Variants in TRIM39 observed in about 807,000 individuals in gnomAD.
TRIM39 encodes the protein tripartite motif containing 39.
In TRIM39, 5 loss-of-function variants were observed where a neutral mutation model predicts 53.6. The ratio of observed to expected loss-of-function variants is 0.09; its 90% confidence interval spans 0.05 to 0.20. The LOEUF (loss-of-function observed/expected upper bound fraction) is 0.20. Among genes scored for constraint, TRIM39 ranks in the 10% least tolerant of loss-of-function variants. The pLI is 1.00. For missense variants in TRIM39, 310 were observed against 621.0 expected (o/e 0.50, Z 5.32); for synonymous variants, 196 against 237.6 (o/e 0.82, Z 1.61).
At chr6:30,341,684 A>G in intron 7 of TRIM39, 28 bp from the exon 8 acceptor site, 5 of 1,593,424 alleles carry the variant, frequency 3.1e-6, no homozygotes, top group Non-Finnish European at 4.3e-6. Flanking sequence ...ATCCTCATCT[A>G]GCTCCCCACT....
intron 3 of TRIM39, 55 bp downstream of exon 3, chr6:30,329,825 G>T: frequency 6.4e-7 from 1 of 1,574,240 alleles, no homozygotes; most frequent in South Asian, 1.2e-5. Flanking sequence ...AGCGGCAGAG[G>T]ATGAGATACT....
intron 6 of TRIM39, chr6:30,340,187 T>C (rs990959805): frequency 9.7e-6 from 12 of 1,235,928 alleles, no homozygotes; most frequent in Non-Finnish European, 1.2e-5. Flanking sequence ...CTTGTGCCAG[T>C]GGGTGGAATT....
At chr6:30,343,068 A>C (rs140362243) in exon 8 of TRIM39, 1 of 152,684 alleles carries the variant, frequency 6.5e-6, no homozygotes, top group African/African-American at 2.4e-5. Flanking sequence ...GAGATCCTGC[A>C]AGACACATCT....
Position 30,335,979 on chromosome 6 carries a change from C to G in TRIM39, c.780+4C>G. 3 of 1,612,900 alleles carry G rather than the reference C, an allele frequency of 1.9e-6. No homozygotes were observed. The highest frequency in any genetic ancestry group is 2.5e-6 in the Non-Finnish European group (3 of 1,180,010). On this transcript the variant is annotated splice_donor_region_variant and intron_variant, in intron 5 of 7. Coordinates refer to ENST00000396551, the Ensembl canonical transcript of TRIM39. The surrounding 1 kb of genome is among the most constrained non-coding windows in gnomAD (Gnocchi z 4.7). ...GTCAGGCTTCGAGATGCTTAAGGTT[C>G]GACCTTTGCCCCTGCATAGCCCCTC...
chr6:30,338,918 T>C lies in TRIM39; in HGVS notation c.781-990T>C, dbSNP rs1266933484. ...GGTGTTAGCAAAACTAGGGAACATATTTTTTATCTTAGAGATTAGATTACC... is the reference window on the plus strand; with the variant it reads ...GGTGTTAGCAAAACTAGGGAACATACTTTTTATCTTAGAGATTAGATTACC... On this transcript the variant is annotated intron_variant, in intron 5 of 7. Transcript: ENST00000396551. This position sits in a 1 kb window ranked among gnomAD's most constrained non-coding sequence, Gnocchi z 4.0. Among the ~76,000 whole-genome samples, 1 of 152,184 alleles carries C rather than the reference T, an allele frequency of 6.6e-6. No homozygotes were observed. Among genetic ancestry groups the C allele is most frequent in the Non-Finnish European group, 1.5e-5 (1 of 68,030 alleles).
chr6:30,341,687 T>C (rs770513466), intron 7 of TRIM39, 25 bp from the exon 8 acceptor site: 14 of 1,596,330 alleles, frequency 8.8e-6, no homozygotes, highest in Non-Finnish European at 1.2e-5. Flanking sequence ...CTCATCTAGC[T>C]CCCCACTCTG....
At chr6:30,340,667 A>C (rs867800553) in intron 7 of TRIM39, 47 bp downstream of exon 7, 1 of 1,582,422 alleles carries the variant, frequency 6.3e-7, no homozygotes. Context: ...TAGAGAGAAG[A>C]AAGTTTTTAG....
chr6:30,340,252 T>C, intron 6 of TRIM39: 2 of 1,603,768 alleles, frequency 1.2e-6, no homozygotes, highest in Non-Finnish European at 1.7e-6. Context: ...AGGGCAATCA[T>C]CCATTTGCAT....
At chr6:30,343,155 A>G (rs115017778) in exon 8 of TRIM39, 1 of 152,680 alleles carries the variant, frequency 6.5e-6, no homozygotes, top group Non-Finnish European at 1.5e-5. Flanking sequence ...ATTTGTATAC[A>G]AAGCCCTGGC....
rs1786721428 is a variant in TRIM39, at chr6:30,335,319, C to G, written c.550-426C>G. Among the ~76,000 whole-genome samples, 1 of 151,946 alleles carries G rather than the reference C, an allele frequency of 6.6e-6. No individual in the cohort carries two copies. On this transcript the variant is annotated intron_variant, in intron 4 of 7. Coordinates refer to ENST00000396551, the Ensembl canonical transcript of TRIM39. The surrounding 1 kb of genome is among the most constrained non-coding windows in gnomAD (Gnocchi z 4.7). ...TTTCTTTCTGTCTTTGTCTTTCTGT[C>G]TTTCTTTCCTGTCTGTCTGTCTTTC...
chr6:30,331,986 G>A (rs1786239033), intron 4 of TRIM39, among the ~76,000 whole-genome samples: 1 of 152,096 alleles, frequency 6.6e-6, no homozygotes. Flanking sequence ...GGCCAAATTG[G>A]GATAAGTGAG....
Position 30,335,802 on chromosome 6 carries a change from C to T in TRIM39, c.607C>T (p.Arg203Trp), listed in dbSNP as rs754429118. The change falls in exon 5 of 8, where the codon CGG becomes TGG. Residue 203 changes from arginine (R) to tryptophan (W), a missense_variant. Arg to Trp is a moderately radical substitution (Grantham distance 101). Around this residue, in one of 5 missense-constraint regions of TRIM39, gnomAD observed 161 missense variants for 210.0 expected, o/e 0.77. Transcript: ENST00000396551. The surrounding 1 kb of genome is among the most constrained non-coding windows in gnomAD (Gnocchi z 4.7). ...GAGGGAGTTTGAAGAGCTTCATAGG[C>T]GGCTGGATGAAGAGCAGCAGGTGTT... is the stretch of plus-strand genomic sequence containing the variant. The T allele has an allele frequency of 5.0e-6, 8 of 1,612,848 alleles. No homozygotes were observed. The highest frequency in any genetic ancestry group is 1.7e-5 in the Admixed American group (1 of 59,996).
At chr6:30,329,418 A>G in exon 3 of TRIM39, 1 of 1,613,040 alleles carries the variant, frequency 6.2e-7, no homozygotes, top group Non-Finnish European at 8.5e-7. Context: ...GTGTGCCTGG[A>G]GTATCTGAAG....
chr6:30,330,242 A>AT (rs1785966640), intron 3 of TRIM39, among the ~76,000 whole-genome samples: 1 of 152,230 alleles, frequency 6.6e-6, no homozygotes, highest in African/African-American at 2.4e-5. Context: ...GTAACATGGC[A>AT]TATCATTTAA....
chr6:30,338,528 T>C lies in TRIM39; in HGVS notation c.781-1380T>C, dbSNP rs976746130. On this transcript the variant is annotated intron_variant, in intron 5 of 7. Coordinates refer to ENST00000396551, the Ensembl canonical transcript of TRIM39. This position sits in a 1 kb window ranked among gnomAD's most constrained non-coding sequence, Gnocchi z 4.0. ...TTTATCGATTAAGTTGTTCGTCTTA[T>C]ATGGATGCAGTTCACAGTGCCCCCA... Among the ~76,000 whole-genome samples the C allele has an allele frequency of 2.0e-5, 3 of 151,280 alleles. No homozygotes were observed. The highest frequency in any genetic ancestry group is 2.1e-4 in the South Asian group (1 of 4,764).
chr6:30,333,120 A>C (rs1786398232), intron 4 of TRIM39, among the ~76,000 whole-genome samples: 1 of 152,196 alleles, frequency 6.6e-6, no homozygotes, highest in Admixed American at 6.5e-5. Flanking sequence ...ACAAATTCAG[A>C]CTGAGATGGA....
chr6:30,340,444 A>G (rs1176511294), intron 6 of TRIM39, 61 bp from the exon 7 acceptor site: 2 of 1,610,548 alleles, frequency 1.2e-6, no homozygotes, highest in Non-Finnish European at 1.7e-6. Flanking sequence ...CTGAATAGTC[A>G]CTTGGCTGGA....
chr6:30,341,332 A>G (rs1203529296), intron 7 of TRIM39: 2 of 542,100 alleles, frequency 3.7e-6, no homozygotes, highest in East Asian at 4.9e-5. Context: ...TCCCTAGACC[A>G]TATGCTGTCT....
In TRIM39 at chr6:30,335,960, C is replaced by A. The variant is rs1786799814; in HGVS notation, c.765C>A (p.Gly255=). 1 of 1,613,006 alleles carries A rather than the reference C, an allele frequency of 6.2e-7. No individual in the cohort carries two copies. ...TGGAGGGCAAGTGCTTACAGTCAGG[C>A]TTCGAGATGCTTAAGGTTCGACCTT... The change falls in exon 5 of 8, where the codon GGC becomes GGA. Residue 255 remains glycine, a synonymous_variant. Transcript: ENST00000396551. This position sits in a 1 kb window ranked among gnomAD's most constrained non-coding sequence, Gnocchi z 4.7.
Sources: gnomAD v4.1 joint callset for allele counts (sites outside exome capture counted in the v4.1 genomes callset) on GRCh38, gnomAD v4.1.1 for gene constraint, gnomAD v4.1.1 regional missense constraint, Gnocchi (gnomAD v3.1) non-coding constraint, MANE v1.5 for transcripts, NCBI Gene and HGNC (gene_info 2026-07-23, HGNC 2026-07-21) for gene names.